CNOT3: variants seen among roughly 807,000 people sequenced by gnomAD.
CNOT3 encodes the protein CCR4-associated factor 3.
A neutral mutation model predicts 89.4 loss-of-function variants in CNOT3; 2 were observed. The ratio of observed to expected loss-of-function variants is 0.02; its 90% CI spans 0.01 to 0.07. The LOEUF (loss-of-function observed/expected upper bound fraction) is 0.07, where lower values mean the gene tolerates loss of function less well. Among genes scored for constraint, CNOT3 ranks in the 10% least tolerant of loss-of-function variants. The pLI is 1.00. For synonymous variants in CNOT3, 486 were observed against 402.0 expected, an observed-to-expected ratio of 1.21 and a Z score of -2.50; for missense variants, 664 against 1,010.2, an observed-to-expected ratio of 0.66 and a Z score of 4.65.
intron 13 of CNOT3, among the ~76,000 whole-genome samples, chr19:54,150,598 C>CGCCCAGGCTGTCCAGGAGGCAGTGTGCGT (rs1568670132): frequency 2.8e-4 from 30 of 108,208 alleles, no homozygotes; most frequent in Non-Finnish European, 5.6e-4. Context: ...GCAGTGTGCG[C>CGCCCAGGCTGTCCAGGAGGCAGTGTGCGT]GCCCAGGCTG....
intron 1 of CNOT3, among the ~76,000 whole-genome samples, chr19:54,140,459 A>C (rs1183430178): frequency 6.6e-6 from 1 of 151,760 alleles, no homozygotes; most frequent in African/African-American, 2.4e-5. Flanking sequence ...GACTACAGCA[A>C]ATGGGGCTCT....
chr19:54,153,111 C>T (rs530757211), intron 16 of CNOT3, 112 bp downstream of exon 16: 52 of 862,706 alleles, frequency 6.0e-5, no homozygotes, highest in Middle Eastern at 4.4e-4. Context: ...CCACTGGGAC[C>T]GCACCCCCTC....
chr19:54,139,268 TCCTTTAGG>T (rs1489699438), intron 1 of CNOT3, among the ~76,000 whole-genome samples: 1 of 152,076 alleles, frequency 6.6e-6, no homozygotes, highest in Non-Finnish European at 1.5e-5. Context: ...ACCAGTCTCC[TCCTTTAGG>T]GTGTCAGCTC....
At chr19:54,154,624 A>T (rs1470985660) in intron 17 of CNOT3, 3 of 156,134 alleles carry the variant, frequency 1.9e-5, no homozygotes, top group African/African-American at 7.2e-5. Flanking sequence ...CATGGGGATG[A>T]AGTAGTACAA....
In CNOT3 at chr19:54,144,456, A is replaced by G. The variant is rs1320451754; in HGVS notation, c.483+124A>G. 4 of 718,472 alleles carry G rather than the reference A, an allele frequency of 5.6e-6. No homozygotes were observed. Among genetic ancestry groups the G allele is most frequent in the Non-Finnish European group, 9.8e-6 (4 of 407,562 alleles). The allele number at this position is 718,472 out of a possible 1,614,324, so 44.5% of individuals were successfully genotyped here. The stretch of plus-strand genomic sequence containing the variant: ...TGGATTCCTCAGGCGGACAGGGCCA[A>G]CAGCCGGGATTAGGGATTTGAGAGA... On this transcript the variant is annotated intron_variant, in intron 7 of 17. Transcript: ENST00000221232. This position sits in a 1 kb window ranked among gnomAD's most constrained non-coding sequence, Gnocchi z 4.8.
chr19:54,153,110 C>T, intron 16 of CNOT3, 111 bp downstream of exon 16: 1 of 874,344 alleles, frequency 1.1e-6, no homozygotes, highest in Non-Finnish European at 1.9e-6. Flanking sequence ...GCCACTGGGA[C>T]CGCACCCCCT....
At chr19:54,139,974 A>G (rs587605499) in intron 1 of CNOT3, among the ~76,000 whole-genome samples, 2 of 152,144 alleles carry the variant, frequency 1.3e-5, no homozygotes, top group Non-Finnish European at 2.9e-5. Context: ...TCACCCTTCA[A>G]CATCACTTCT....
In CNOT3 at chr19:54,148,534, C is replaced by T. The variant is rs759815446; in HGVS notation, c.1281C>T (p.Thr427=). The stretch of plus-strand genomic sequence containing the variant: ...GGGCTGGCAAGCAGAATGGCGCCAC[C>T]AGTGAGTGAGGAGGCAGCGGGGTGG... The part of the protein sequence containing the change: ...GGGAGKQNGA[T]SYSSVVADSP... The change falls in exon 11 of 18, where the codon ACC becomes ACT. Residue 427 remains threonine (T), a splice_region_variant and synonymous_variant. Transcript: ENST00000221232. The surrounding 1 kb of genome is among the most constrained non-coding windows in gnomAD (Gnocchi z 6.3). The T allele has an allele frequency of 1.4e-5, 22 of 1,563,402 alleles. No individual in the cohort carries two copies. The highest frequency in any genetic ancestry group is 1.9e-5 in the Non-Finnish European group (22 of 1,150,174).
In CNOT3 at chr19:54,146,666, G is replaced by C. The variant is rs1208777409; in HGVS notation, c.894+9G>C. ...ACAGTGAAGTCAGCCAGGTGGGTGT[G>C]AGCCTGGACCGGGTGGGCACGCCAT... On this transcript the variant is annotated intron_variant, in intron 10 of 17. Transcript: ENST00000221232. 2 of 1,487,284 alleles carry C rather than the reference G, an allele frequency of 1.3e-6. No individual in the cohort carries two copies. Among genetic ancestry groups the C allele is most frequent in the Non-Finnish European group, 1.9e-6 (2 of 1,064,366 alleles). 92.1% of individuals were successfully genotyped at this position (1,487,284 alleles called of 1,614,324 possible). A position where few individuals can be genotyped will look rare whatever the true frequency, so the allele number is the denominator to read the frequency against.
intron 16 of CNOT3, chr19:54,153,274 G>C (rs114617329): frequency 1.3e-6 from 1 of 762,138 alleles, no homozygotes; most frequent in African/African-American, 1.7e-5. Flanking sequence ...GCTCACCCGC[G>C]GCCCCTCCCC....
rs78426119 is a variant in CNOT3 at position 54,149,042 on chromosome 19, T to C, written c.1406+299T>C. Among the ~76,000 whole-genome samples, 897 of 152,340 alleles carry C rather than the reference T, an allele frequency of 5.9e-3. 7 individuals carry two copies. The highest frequency in any genetic ancestry group is 0.02 in the African/African-American group (831 of 41,570). ...ATTTCTGTTACCTGCCTGAGGCCAA[T>C]TGACTGCCACCGGAGGGTCACTGTT... On this transcript the variant is annotated intron_variant, in intron 12 of 17. Transcript: ENST00000221232.
At position 54,147,026 on chromosome 19, in the gene CNOT3, G is replaced by A. The variant is rs1056399128; in HGVS notation, c.894+369G>A. Among the ~76,000 whole-genome samples the A allele has an allele frequency of 5.8e-3, 880 of 152,250 alleles. 7 individuals carry two copies. Among genetic ancestry groups the A allele is most frequent in the African/African-American group, 0.02 (818 of 41,524 alleles). On this transcript the variant is annotated intron_variant, in intron 10 of 17. Transcript: ENST00000221232. ...GTCTGGCCAGGTCTGCAGGGCCAGG[G>A]GCCCAACTGTGAGCACAGGGACTGG...
intron 10 of CNOT3, 33 bp downstream of exon 10, chr19:54,146,690 A>G (rs758483098): frequency 8.1e-7 from 1 of 1,229,990 alleles, no homozygotes; most frequent in Non-Finnish European, 1.2e-6. Context: ...TGGGCACGCC[A>G]TTCACTCCTC....
At position 54,155,210 on chromosome 19, in the gene CNOT3, C is replaced by G. The variant is rs758840187; in HGVS notation, c.2164-99C>G. 1.1e-5 allele frequency: 16 copies of G among 1,480,152 alleles called. No homozygotes were observed. The African/African-American group carries it at 1.1e-4, about 10-fold the overall frequency. The allele number at this position is 1,480,152 out of a possible 1,614,324, so 91.7% of individuals were successfully genotyped here. A position where few individuals can be genotyped will look rare whatever the true frequency, so the allele number is the denominator to read the frequency against. On this transcript the variant is annotated intron_variant, in intron 17 of 17. Coordinates refer to ENST00000221232, the MANE Select transcript of CNOT3 (RefSeq NM_014516.4). ...AGGGCAGCTGGCCCGGTGCCTGACA[C>G]ATCCACAGCCCTAAGAATTGTCCCC...
At position 54,144,095 on chromosome 19, in the gene CNOT3, T is replaced by C; in HGVS notation, c.348T>C (p.Pro116=). 1 of 1,605,454 alleles carries C rather than the reference T, an allele frequency of 6.2e-7. No individual in the cohort carries two copies. Among genetic ancestry groups the C allele is most frequent in the Non-Finnish European group, 8.5e-7 (1 of 1,177,270 alleles). The change falls in exon 6 of 18, where the codon CCT becomes CCC. Residue 116 remains proline (P), a synonymous_variant. Coordinates refer to ENST00000221232, the MANE Select transcript of CNOT3 (RefSeq NM_014516.4). This position sits in a 1 kb window ranked among gnomAD's most constrained non-coding sequence, Gnocchi z 4.8. ...EGLGLAQKVD[P]AQKEKEEVGQ... The stretch of plus-strand genomic sequence containing the variant: ...TGGGCCTGGCCCAGAAGGTAGATCC[T>C]GCCCAGAAGGAGAAGGAAGAGGTTG...
chr19:54,149,179 G>GAA (rs2074900815), intron 12 of CNOT3, among the ~76,000 whole-genome samples: 1 of 152,158 alleles, frequency 6.6e-6, no homozygotes, highest in Non-Finnish European at 1.5e-5. Context: ...AATGCCCTAA[G>GAA]AAAGATCAGT....
chr19:54,144,230 C>G lies in CNOT3; in HGVS notation c.388-7C>G, dbSNP rs1339771201. The G allele has an allele frequency of 3.7e-6, 6 of 1,613,866 alleles. No individual in the cohort carries two copies. In the East Asian group the frequency reaches 1.3e-4, roughly 36 times the overall value. On this transcript the variant is annotated splice_region_variant and splice_polypyrimidine_tract_variant and intron_variant, in intron 6 of 17. Coordinates refer to ENST00000221232, the MANE Select transcript of CNOT3 (RefSeq NM_014516.4). This position sits in a 1 kb window ranked among gnomAD's most constrained non-coding sequence, Gnocchi z 4.8. ...TGATGGGCTTCCTCTTCCTCTCCCT[C>G]CCCTAGAATACCATCGACACGCTCA... is the stretch of plus-strand genomic sequence containing the variant.
In CNOT3 at chr19:54,148,550, A is replaced by G; in HGVS notation, c.1282+15A>G. On this transcript the variant is annotated intron_variant, in intron 11 of 17. Transcript: ENST00000221232. The surrounding 1 kb of genome is among the most constrained non-coding windows in gnomAD (Gnocchi z 6.3). ...TGGCGCCACCAGTGAGTGAGGAGGCAGCGGGGTGGGGGGCGTGGGCGGGGC... is the reference window on the plus strand; with the variant it reads ...TGGCGCCACCAGTGAGTGAGGAGGCGGCGGGGTGGGGGGCGTGGGCGGGGC... 6.6e-7 allele frequency: 1 copy of G among 1,518,768 alleles called. No homozygotes were observed. Among genetic ancestry groups the G allele is most frequent in the Non-Finnish European group, 9.0e-7 (1 of 1,107,686 alleles). 94.1% of individuals were successfully genotyped at this position (1,518,768 alleles called of 1,614,324 possible).
rs1278817547 is a variant in CNOT3 at position 54,142,937 on chromosome 19, T to A, written c.-42T>A. The A allele has an allele frequency of 1.9e-6, 3 of 1,608,206 alleles. No homozygotes were observed. Among genetic ancestry groups the A allele is most frequent in the Non-Finnish European group, 2.6e-6 (3 of 1,175,228 alleles). On this transcript the variant is annotated 5_prime_UTR_variant, in exon 2 of 18. Transcript: ENST00000221232. ...CCAATCTCTCCTAGCAGCGTCCGTC[T>A]CCAAGAGAGTATGAAGAGAGTGCGT...
Sources: gnomAD v4.1 joint callset for allele counts (sites outside exome capture counted in the v4.1 genomes callset) on GRCh38, gnomAD v4.1.1 for gene constraint, Gnocchi (gnomAD v3.1) non-coding constraint, MANE v1.5 for transcripts, NCBI Gene and HGNC (gene_info 2026-07-23, HGNC 2026-07-21) for gene names.